The following IMPG1 variants were observed in gnomAD, a reference collection of about 807,000 sequenced individuals.
The protein encoded by IMPG1 is interphotoreceptor matrix proteoglycan 1, also known as interphotoreceptor matrix proteoglycan of 150 kDa.
A neutral mutation model predicts 92.0 loss-of-function variants in IMPG1; 85 were observed. That is an observed-to-expected ratio of 0.92 (90% confidence interval 0.78 to 1.11). The LOEUF is 1.11. Among genes scored for constraint, IMPG1 ranks in the 50% least tolerant of loss-of-function variants. The pLI, the probability that IMPG1 is intolerant of heterozygous loss-of-function variation, is 0.00. For missense variants in IMPG1, 1,022 were observed against 956.0 expected (o/e 1.07, Z -0.91); for synonymous variants, 367 against 334.1 (o/e 1.10, Z -1.08).
chr6:75,974,401 T>TTTCCTTCCTTCCTTCCTTCCTTGCTTGC (rs1562354910), intron 12 of IMPG1, among the ~76,000 whole-genome samples: 2 of 92,800 alleles, frequency 2.2e-5, no homozygotes, highest in Non-Finnish European at 4.4e-5. Flanking sequence ...CTTTTCTTTC[T>TTTCCTTCCTTCCTTCCTTCCTTGCTTGC]TTCCTTCCTT....
At chr6:76,003,740 TA>T in intron 11 of IMPG1, 133 bp downstream of exon 11, 2 of 654,292 alleles carry the variant, frequency 3.1e-6, no homozygotes, top group South Asian at 3.8e-5. Context: ...GTGCTGCTTG[TA>T]AAAAACAGAA....
intron 1 of IMPG1, among the ~76,000 whole-genome samples, chr6:76,046,682 T>A (rs1375627870): frequency 6.6e-6 from 1 of 152,136 alleles, no homozygotes; most frequent in East Asian, 1.9e-4. Flanking sequence ...TCTTCACCTA[T>A]AAAATGGGGA....
At position 75,950,998 on chromosome 6, in the gene IMPG1, C is replaced by A. The variant is rs9443201; in HGVS notation, c.1388G>T (p.Gly463Val). The change falls in exon 13 of 17, where the codon GGC becomes GTC. Residue 463 changes from glycine (G) to valine (V), a missense_variant. Physicochemically the swap from Gly to Val is moderately radical, Grantham distance 109 (BLOSUM62 -3). This residue lies in a region of IMPG1 where 681 missense variants were observed against 583.6 expected (regional missense o/e 1.17). Coordinates refer to ENST00000369950, the MANE Select transcript of IMPG1 (RefSeq NM_001563.4). ...GTCAGTGGCCATTGTATCTGTGGTG[C>A]CTTGATCAGTCAGAGAGAAGATGCT... ...ASSIFSLTDQ[G>V]TTDTMATDQT... 1,491 of 1,613,780 alleles carry A rather than the reference C, an allele frequency of 9.2e-4. 14 individuals carry two copies. The African/African-American group carries it at 0.018, about 19-fold the overall frequency.
chr6:76,064,883 C>T (rs1266219679), intron 1 of IMPG1, among the ~76,000 whole-genome samples: 1 of 152,136 alleles, frequency 6.6e-6, no homozygotes, highest in Non-Finnish European at 1.5e-5. Context: ...TGCTGGCTTC[C>T]TGAGACCTCT....
At chr6:76,010,267 G>A (rs1783162593) in intron 8 of IMPG1, among the ~76,000 whole-genome samples, 1 of 152,184 alleles carries the variant, frequency 6.6e-6, no homozygotes, top group Admixed American at 6.5e-5. Context: ...TTCTGGGGGA[G>A]CCCACGCTCC....
chr6:76,054,424 C>T (rs192876334), intron 1 of IMPG1, among the ~76,000 whole-genome samples: 304 of 152,128 alleles, frequency 2.0e-3, no homozygotes, highest in Admixed American at 3.7e-3. Flanking sequence ...ATAGTAGATG[C>T]ATATGGACGA....
rs117731110 is a variant in IMPG1, at chr6:75,972,072, C to T, written c.1292-20978G>A. 7.3e-3 allele frequency among the ~76,000 whole-genome samples: 1,105 copies of T among 152,188 alleles called. 7 individuals are homozygous for T. The highest frequency in any genetic ancestry group is 0.012 in the Non-Finnish European group (801 of 68,016). On this transcript the variant is annotated intron_variant, in intron 12 of 16. Transcript: ENST00000369950. ...AAGTTTTACTTTAACAAGAGTTAGTCTAGGCTTGAAAAGTTGTAGTTTTTA... is the reference window on the plus strand; with the variant it reads ...AAGTTTTACTTTAACAAGAGTTAGTTTAGGCTTGAAAAGTTGTAGTTTTTA...
At chr6:75,974,347 C>CTTTA (rs1562354385) in intron 12 of IMPG1, among the ~76,000 whole-genome samples, 13 of 99,472 alleles carry the variant, frequency 1.3e-4, no homozygotes, top group Admixed American at 1.1e-4. Context: ...TTCTTTCTTT[C>CTTTA]TTTCTTTCTT....
chr6:76,049,350 TA>T (rs1562383780), intron 1 of IMPG1, among the ~76,000 whole-genome samples: 3 of 152,108 alleles, frequency 2.0e-5, no homozygotes, highest in South Asian at 4.2e-4. Flanking sequence ...AAAGTTAAAA[TA>T]AAAAAAGATT....
At position 76,072,508 on chromosome 6, in the gene IMPG1, T is replaced by A; in HGVS notation, c.-20A>T. 1 of 1,463,014 alleles carries A rather than the reference T, an allele frequency of 6.8e-7. No homozygotes were observed. Among genetic ancestry groups the A allele is most frequent in the East Asian group, 2.3e-5 (1 of 43,036 alleles). 90.6% of individuals were successfully genotyped at this position (1,463,014 alleles called of 1,614,324 possible). On this transcript the variant is annotated 5_prime_UTR_variant, in exon 1 of 17. Transcript: ENST00000369950. ...ATACATTCTGGCTTTTGTGCATTGG[T>A]AATTCTGATAACAATCACAGAACAA...
Position 76,026,868 on chromosome 6 carries a change from G to A in IMPG1, c.498-1610C>T, listed in dbSNP as rs151271908. 9.6e-3 allele frequency among the ~76,000 whole-genome samples: 1,465 copies of A among 152,204 alleles called. 12 individuals carry two copies. Among genetic ancestry groups the A allele is most frequent in the South Asian group, 0.015 (74 of 4,820 alleles). ...CCTCCATTTTGTTATACATCCTGAG[G>A]GCATGGCTTGTAACTCCAGTGGCAA... is the stretch of plus-strand genomic sequence containing the variant. On this transcript the variant is annotated intron_variant, in intron 4 of 16. Transcript: ENST00000369950.
intron 1 of IMPG1, among the ~76,000 whole-genome samples, chr6:76,067,430 A>AACCG (rs1784328743): frequency 6.6e-6 from 1 of 152,156 alleles, no homozygotes; most frequent in African/African-American, 2.4e-5. Context: ...CAAACTTGAA[A>AACCG]ACCGAGAGGA....
At chr6:75,978,319 A>G (rs1472615322) in intron 12 of IMPG1, among the ~76,000 whole-genome samples, 1 of 152,148 alleles carries the variant, frequency 6.6e-6, no homozygotes, top group African/African-American at 2.4e-5. Flanking sequence ...TTTGTACCCA[A>G]GATCATGCAT....
At chr6:76,044,483 G>A (rs1348696737) in intron 1 of IMPG1, among the ~76,000 whole-genome samples, 3 of 152,072 alleles carry the variant, frequency 2.0e-5, no homozygotes, top group African/African-American at 7.2e-5. Flanking sequence ...GCCTGGTCCT[G>A]TTCCGTACCT....
chr6:76,028,785 C>T (rs1223627298), intron 4 of IMPG1, among the ~76,000 whole-genome samples: 1 of 152,092 alleles, frequency 6.6e-6, no homozygotes, highest in African/African-American at 2.4e-5. Flanking sequence ...TGCCACTGCA[C>T]TCCAGCCTGG....
chr6:75,955,670 C>G (rs541733341), intron 12 of IMPG1, among the ~76,000 whole-genome samples: 4 of 152,306 alleles, frequency 2.6e-5, no homozygotes, highest in Admixed American at 6.5e-5. Context: ...GCATCCTCAT[C>G]TTGTGCCAGT....
intron 12 of IMPG1, among the ~76,000 whole-genome samples, chr6:75,962,788 C>G (rs865789186): frequency 1.3e-5 from 2 of 152,196 alleles, no homozygotes; most frequent in East Asian, 3.9e-4. Flanking sequence ...TGCCTGTAAC[C>G]CCAGCACTAT....
At chr6:75,946,395 C>T (rs575075747) in intron 14 of IMPG1, among the ~76,000 whole-genome samples, 3 of 152,140 alleles carry the variant, frequency 2.0e-5, no homozygotes, top group Non-Finnish European at 4.4e-5. Context: ...CCACAGAGAG[C>T]CAGAGAGGGT....
chr6:76,011,280 G>A (rs555684872), intron 7 of IMPG1, 56 bp from the exon 8 acceptor site: 15 of 871,056 alleles, frequency 1.7e-5, no homozygotes, highest in African/African-American at 1.2e-4. Flanking sequence ...GTCAGTTCTT[G>A]CCTAACTGAA....
Sources: allele counts gnomAD v4.1 joint callset (sites outside exome capture counted in the v4.1 genomes callset), GRCh38; gene constraint gnomAD v4.1.1; regional missense constraint gnomAD v4.1.1; transcripts MANE v1.5; gene names NCBI Gene and HGNC (gene_info 2026-07-23, HGNC 2026-07-21).